The following EXOC2 variants were observed in gnomAD, a reference collection of about 807,000 sequenced individuals.
The protein encoded by EXOC2 is SEC5-like 1.
Under a neutral mutation model 131.8 loss-of-function variants are expected in EXOC2, and 70 were observed. That is an observed-to-expected ratio of 0.53 (90% CI 0.44 to 0.65). The LOEUF (loss-of-function observed/expected upper bound fraction) is 0.65. EXOC2 is among the 30% of genes least tolerant of loss of function. The pLI, the probability that EXOC2 is intolerant of heterozygous loss-of-function variation, is 0.00. For synonymous variants in EXOC2, 411 were observed against 398.4 expected (o/e 1.03, Z -0.38); for missense variants, 923 against 1,108.6 (o/e 0.83, Z 2.38).
intron 7 of EXOC2, among the ~76,000 whole-genome samples, chr6:603,525 T>G (rs1254728615): frequency 6.6e-6 from 1 of 152,114 alleles, no homozygotes; most frequent in African/African-American, 2.4e-5. Context: ...CCAAGCTGAG[T>G]TGGCAGCTTG....
chr6:492,482 A>T (rs1434855626), intron 25 of EXOC2, among the ~76,000 whole-genome samples: 2 of 152,210 alleles, frequency 1.3e-5, no homozygotes, highest in African/African-American at 4.8e-5. Flanking sequence ...TCTGCATATT[A>T]ATCAAAGGTG....
At position 677,026 on chromosome 6, in the gene EXOC2, A is replaced by G. The variant is rs56901421; in HGVS notation, c.-44+15993T>C. On this transcript the variant is annotated intron_variant, in intron 1 of 27. Transcript: ENST00000230449. ...AGACTGCGGTTCCCCATACTCTTCAACATTACGGAAAGGACAGCTTTCTCT... is the reference window on the plus strand; with the variant it reads ...AGACTGCGGTTCCCCATACTCTTCAGCATTACGGAAAGGACAGCTTTCTCT... 1.9e-3 allele frequency among the ~76,000 whole-genome samples: 90 copies of G among 47,582 alleles called. 2 individuals are homozygous for G. Among genetic ancestry groups the G allele is most frequent in the East Asian group, 0.013 (1 of 78 alleles). The allele number at this position is 47,582 out of a possible 152,430, so 31.2% of individuals were successfully genotyped here.
At chr6:504,014 T>C (rs998248721) in intron 23 of EXOC2, among the ~76,000 whole-genome samples, 3 of 152,232 alleles carry the variant, frequency 2.0e-5, no homozygotes. Context: ...CAAACACCTG[T>C]GTCCAAAGAA....
At chr6:565,354 A>G (rs958214316) in intron 13 of EXOC2, among the ~76,000 whole-genome samples, 2 of 152,246 alleles carry the variant, frequency 1.3e-5, no homozygotes, top group East Asian at 3.8e-4. Flanking sequence ...TAAATACTAT[A>G]AACTATGGCT....
At chr6:599,017 TA>T in intron 8 of EXOC2, 62 bp downstream of exon 8, 2 of 1,563,104 alleles carry the variant, frequency 1.3e-6, no homozygotes, top group Non-Finnish European at 1.7e-6. Context: ...AAAAACATCT[TA>T]AAAAATCTTA....
intron 22 of EXOC2, among the ~76,000 whole-genome samples, chr6:541,476 G>A (rs1452802744): frequency 6.6e-6 from 1 of 152,076 alleles, no homozygotes; most frequent in Non-Finnish European, 1.5e-5. Flanking sequence ...AAAGTCAAAA[G>A]TTATTCTCTG....
At chr6:590,952 G>A (rs1759508170) in intron 11 of EXOC2, among the ~76,000 whole-genome samples, 1 of 152,162 alleles carries the variant, frequency 6.6e-6, no homozygotes, top group Admixed American at 6.5e-5. Context: ...CAAAGAGGCG[G>A]AATCACTTTT....
At chr6:689,510 C>CGCCT (rs1764818705) in intron 1 of EXOC2, among the ~76,000 whole-genome samples, 1 of 152,224 alleles carries the variant, frequency 6.6e-6, no homozygotes, top group Non-Finnish European at 1.5e-5. Context: ...GGTGTTCACA[C>CGCCT]GCCTTCCTTC....
At chr6:518,151 G>A (rs1375610453) in intron 23 of EXOC2, among the ~76,000 whole-genome samples, 1 of 152,104 alleles carries the variant, frequency 6.6e-6, no homozygotes, top group Non-Finnish European at 1.5e-5. Flanking sequence ...TCTCATAATG[G>A]TATTATGATT....
chr6:609,759 G>A (rs935852832), intron 7 of EXOC2, among the ~76,000 whole-genome samples: 1 of 152,172 alleles, frequency 6.6e-6, no homozygotes, highest in Non-Finnish European at 1.5e-5. Context: ...GCTCCTCCAC[G>A]TTGCTGGTCA....
At chr6:552,123 T>C (rs568304744) in intron 21 of EXOC2, among the ~76,000 whole-genome samples, 12 of 152,328 alleles carry the variant, frequency 7.9e-5, no homozygotes, top group East Asian at 3.9e-4. Context: ...CTTTAAGCTA[T>C]AGCAGAAAAC....
chr6:541,141 C>T (rs1766795164), intron 22 of EXOC2, among the ~76,000 whole-genome samples: 1 of 152,110 alleles, frequency 6.6e-6, no homozygotes, highest in African/African-American at 2.4e-5. Context: ...GACCTCAGAA[C>T]AATGATGTTA....
At position 582,762 on chromosome 6, in the gene EXOC2, T is replaced by C. The variant is rs141632927; in HGVS notation, c.1193-5880A>G. Among the ~76,000 whole-genome samples, 32 of 152,146 alleles carry C rather than the reference T, an allele frequency of 2.1e-4. 1 individual carries two copies. In the East Asian group the frequency reaches 5.2e-3, roughly 25 times the overall value. On this transcript the variant is annotated intron_variant, in intron 11 of 27. Coordinates refer to ENST00000230449, the MANE Select transcript of EXOC2 (RefSeq NM_018303.6). ...ATACATATACATATATATGTATATA[T>C]ATATAACATTTTTAAAGTCCTGACA...
At chr6:495,826 T>G (rs1000896499) in intron 25 of EXOC2, among the ~76,000 whole-genome samples, 23 of 152,320 alleles carry the variant, frequency 1.5e-4, no homozygotes, top group Middle Eastern at 6.8e-3. Flanking sequence ...TTCTTACACT[T>G]TTGAAAATCT....
intron 1 of EXOC2, among the ~76,000 whole-genome samples, chr6:642,313 A>AT (rs1175969859): frequency 2.0e-5 from 3 of 152,164 alleles, no homozygotes; most frequent in Non-Finnish European, 4.4e-5. Context: ...TCTTTAATCA[A>AT]TTTTATATCC....
At chr6:595,549 G>A (rs1759763995) in intron 10 of EXOC2, among the ~76,000 whole-genome samples, 1 of 151,950 alleles carries the variant, frequency 6.6e-6, no homozygotes, top group African/African-American at 2.4e-5. Context: ...CTCCTTAAAA[G>A]AATCTTTTTT....
intron 6 of EXOC2, among the ~76,000 whole-genome samples, chr6:611,765 A>G (rs556531430): frequency 2.0e-5 from 3 of 152,356 alleles, no homozygotes; most frequent in Admixed American, 6.5e-5. Flanking sequence ...GTACATGATC[A>G]TAGGTTTGTT....
At chr6:626,169 GAAGTT>G (rs1761557472) in intron 4 of EXOC2, among the ~76,000 whole-genome samples, 1 of 152,168 alleles carries the variant, frequency 6.6e-6, no homozygotes, top group South Asian at 2.1e-4. Flanking sequence ...AATTCAAAGT[GAAGTT>G]ATTTTTTCTG....
At chr6:660,973 G>C (rs1243929388) in intron 1 of EXOC2, among the ~76,000 whole-genome samples, 1 of 152,078 alleles carries the variant, frequency 6.6e-6, no homozygotes, top group Non-Finnish European at 1.5e-5. Context: ...CAAAAATTCA[G>C]GAAACTTTGG....
Sources: allele counts gnomAD v4.1 joint callset (sites outside exome capture counted in the v4.1 genomes callset), GRCh38; gene constraint gnomAD v4.1.1; transcripts MANE v1.5; gene names NCBI Gene and HGNC (gene_info 2026-07-23, HGNC 2026-07-21).